The following ACTL8 variants were observed in gnomAD, a reference collection of about 807,000 sequenced individuals.
ACTL8 encodes actin-like protein 8.
Under a neutral mutation model 9.3 loss-of-function variants are expected in ACTL8, and 3 were observed. The observed-to-expected ratio is 0.32, with a 90% confidence interval of 0.15 to 0.83. ACTL8 has a LOEUF of 0.83. ACTL8 is among the 40% of genes least tolerant of loss of function. ACTL8 has a pLI of 0.57. For missense variants in ACTL8, 381 were observed against 492.2 expected, an observed-to-expected ratio of 0.77 and a Z score of 2.14; for synonymous variants, 224 against 205.9, an observed-to-expected ratio of 1.09 and a Z score of -0.75.
At chr1:17,811,314 A>T (rs550824899) in intron 1 of ACTL8, among the ~76,000 whole-genome samples, 2 of 152,308 alleles carry the variant, frequency 1.3e-5, no homozygotes, top group South Asian at 4.1e-4. Context: ...ATTGATTATT[A>T]GTTGGTCTTT....
Position 17,823,198 on chromosome 1 carries a change from A to T in ACTL8, c.190A>T (p.Ser64Cys). The T allele has an allele frequency of 6.2e-7, 1 of 1,614,154 alleles. No individual in the cohort carries two copies. Among genetic ancestry groups the T allele is most frequent in the Non-Finnish European group, 8.5e-7 (1 of 1,180,040 alleles). The change falls in exon 2 of 3, where the codon AGC (serine) becomes TGC (cysteine). Residue 64 changes from serine (S) to cysteine (C), a missense_variant. By Grantham distance (112) the Ser-to-Cys change is moderately radical (BLOSUM62 -1). Around this residue, in one of 3 missense-constraint regions of ACTL8, gnomAD observed 125 missense variants for 180.7 expected, o/e 0.69. Transcript: ENST00000375406. The surrounding 1 kb of genome is among the most constrained non-coding windows in gnomAD (Gnocchi z 5.3). ...GIDICHPDTF[S>C]YPIERGRILN... ...CGACATTTGCCATCCTGACACCTTT[A>T]GCTACCCCATCGAGCGGGGCCGCAT...
At position 17,823,414 on chromosome 1, in the gene ACTL8, C is replaced by T. The variant is rs2053681960; in HGVS notation, c.348+58C>T. 2 of 1,481,422 alleles carry T rather than the reference C, an allele frequency of 1.4e-6. No individual in the cohort carries two copies. Among genetic ancestry groups the T allele is most frequent in the Admixed American group, 2.0e-5 (1 of 49,522 alleles). 91.8% of individuals were successfully genotyped at this position (1,481,422 alleles called of 1,614,324 possible). ...AGCGGGAAACAGACTGACACTATGT[C>T]TGGACTGATTGGGCACCAGGAATTC... On this transcript the variant is annotated intron_variant, in intron 2 of 2. Coordinates refer to ENST00000375406, the MANE Select transcript of ACTL8 (RefSeq NM_030812.3). This position sits in a 1 kb window ranked among gnomAD's most constrained non-coding sequence, Gnocchi z 5.3.
At chr1:17,769,675 G>A (rs1005314788) in intron 1 of ACTL8, among the ~76,000 whole-genome samples, 8 of 152,134 alleles carry the variant, frequency 5.3e-5, no homozygotes, top group African/African-American at 9.7e-5. Flanking sequence ...TAAACCAGGC[G>A]CAGGGCAGAA....
intron 1 of ACTL8, among the ~76,000 whole-genome samples, chr1:17,803,918 G>T (rs2066340614): frequency 6.6e-6 from 1 of 152,162 alleles, no homozygotes; most frequent in South Asian, 2.1e-4. Context: ...CTCAGTTTTT[G>T]TACCTGTAAG....
At chr1:17,790,726 G>T (rs1346260496) in intron 1 of ACTL8, among the ~76,000 whole-genome samples, 1 of 152,226 alleles carries the variant, frequency 6.6e-6, no homozygotes, top group African/African-American at 2.4e-5. Flanking sequence ...CCAGGAAACT[G>T]TCTGCCTCCT....
At chr1:17,814,090 T>C (rs2124185730) in intron 1 of ACTL8, among the ~76,000 whole-genome samples, 1 of 152,346 alleles carries the variant, frequency 6.6e-6, no homozygotes, top group Non-Finnish European at 1.5e-5. Flanking sequence ...TCAATTTCGA[T>C]TACAGTCATT....
chr1:17,768,389 T>C (rs1310719513), intron 1 of ACTL8, among the ~76,000 whole-genome samples: 1 of 83,798 alleles, frequency 1.2e-5, no homozygotes, highest in Non-Finnish European at 3.2e-5. Context: ...CTGCCAAGAC[T>C]GCAGTTTGGG....
In ACTL8 at chr1:17,826,327, C is replaced by G. The variant is rs370158483; in HGVS notation, c.909C>G (p.Leu303=). 3.8e-5 allele frequency: 61 copies of G among 1,613,606 alleles called. 1 individual carries two copies. The Middle Eastern group carries it at 9.9e-4, about 26-fold the overall frequency. ...TGATGGCCTGCGGGGGCAACACCCT[C>G]TATCCCGGGTTCACAAAGCGCCTGT... is the stretch of plus-strand genomic sequence containing the variant. ...SHVMACGGNT[L]YPGFTKRLFR... Residue 303 remains leucine (L), a synonymous_variant, in exon 3 of 3, where the codon CTC becomes CTG. Transcript: ENST00000375406. The surrounding 1 kb of genome is among the most constrained non-coding windows in gnomAD (Gnocchi z 4.5).
At chr1:17,763,836 G>A (rs187816896) in intron 1 of ACTL8, among the ~76,000 whole-genome samples, 8 of 152,174 alleles carry the variant, frequency 5.3e-5, no homozygotes, top group Admixed American at 2.0e-4. Context: ...GGGGGCTTCC[G>A]CCCTCGGGAA....
At chr1:17,816,839 G>C (rs542615312) in intron 1 of ACTL8, among the ~76,000 whole-genome samples, 2 of 152,064 alleles carry the variant, frequency 1.3e-5, no homozygotes, top group Non-Finnish European at 2.9e-5. Flanking sequence ...AGTTGCATAG[G>C]TTCCTTTTCT....
chr1:17,778,885 A>G (rs2066134133), intron 1 of ACTL8, among the ~76,000 whole-genome samples: 1 of 152,108 alleles, frequency 6.6e-6, no homozygotes, highest in Admixed American at 6.5e-5. Context: ...TGAGTTGAAG[A>G]AGAGATGCTG....
chr1:17,766,908 G>A (rs2066048721), intron 1 of ACTL8, among the ~76,000 whole-genome samples: 1 of 152,184 alleles, frequency 6.6e-6, no homozygotes, highest in African/African-American at 2.4e-5. Flanking sequence ...ACTGACCATT[G>A]TTCTAGGTGC....
intron 1 of ACTL8, among the ~76,000 whole-genome samples, chr1:17,803,889 A>G (rs574475435): frequency 1.6e-4 from 24 of 152,224 alleles, no homozygotes; most frequent in East Asian, 9.7e-4. Context: ...ATGCTTCTGG[A>G]CAGTTTATTT....
chr1:17,775,220 C>A (rs1354345168), intron 1 of ACTL8, among the ~76,000 whole-genome samples: 2 of 152,160 alleles, frequency 1.3e-5, no homozygotes, highest in African/African-American at 2.4e-5. Flanking sequence ...AAATTAGAGA[C>A]CGAGGGCTGA....
rs539037884 is a variant in ACTL8, at chr1:17,767,554, C to T, written c.-25+12050C>T. 6.6e-6 allele frequency among the ~76,000 whole-genome samples: 1 copy of T among 152,304 alleles called. No individual in the cohort carries two copies. Among genetic ancestry groups the T allele is most frequent in the African/African-American group, 2.4e-5 (1 of 41,576 alleles). ...CCTTGTCTAAGCCCGTGGCTGGGTGCATGGCTCCCGGGCACTGCTCTTTTG... is the reference window on the plus strand; with the variant it reads ...CCTTGTCTAAGCCCGTGGCTGGGTGTATGGCTCCCGGGCACTGCTCTTTTG... On this transcript the variant is annotated intron_variant, in intron 1 of 2. Coordinates refer to ENST00000375406, the MANE Select transcript of ACTL8 (RefSeq NM_030812.3). This position sits in a 1 kb window ranked among gnomAD's most constrained non-coding sequence, Gnocchi z 4.7.
At position 17,826,085 on chromosome 1, in the gene ACTL8, G is replaced by A; in HGVS notation, c.667G>A (p.Asp223Asn). The change falls in exon 3 of 3, where the codon GAC becomes AAC. Residue 223 changes from aspartate to asparagine, a missense_variant. By Grantham distance (23) the Asp-to-Asn change is conservative. Transcript: ENST00000375406. This position sits in a 1 kb window ranked among gnomAD's most constrained non-coding sequence, Gnocchi z 4.5. The stretch of plus-strand genomic sequence containing the variant: ...GCCGCAGAATCTGGGGGAGGCCCTG[G>A]ACTTTCGTGAGAGGCAGCAGAGTGC... ...YVPQNLGEAL[D>N]FRERQQSALD... The A allele has an allele frequency of 6.2e-7, 1 of 1,608,420 alleles. No homozygotes were observed.
intron 1 of ACTL8, among the ~76,000 whole-genome samples, chr1:17,820,239 T>C (rs1431576225): frequency 6.6e-6 from 1 of 152,152 alleles, no homozygotes; most frequent in African/African-American, 2.4e-5. Context: ...CAGAATGTCA[T>C]GGGAATGGAG....
At chr1:17,757,482 C>G (rs1011332517) in intron 1 of ACTL8, among the ~76,000 whole-genome samples, 6 of 144,574 alleles carry the variant, frequency 4.2e-5, no homozygotes, top group African/African-American at 2.5e-5. Flanking sequence ...GCCCACCCCC[C>G]CCACCCCCAC....
chr1:17,799,597 C>T (rs1010388348), intron 1 of ACTL8, among the ~76,000 whole-genome samples: 1 of 151,674 alleles, frequency 6.6e-6, no homozygotes, highest in Non-Finnish European at 1.5e-5. Context: ...TTTGTTGCTT[C>T]CTCTCTTTTT....
Sources: gnomAD v4.1 joint callset for allele counts (sites outside exome capture counted in the v4.1 genomes callset) on GRCh38, gnomAD v4.1.1 for gene constraint, gnomAD v4.1.1 regional missense constraint, Gnocchi (gnomAD v3.1) non-coding constraint, MANE v1.5 for transcripts, NCBI Gene and HGNC (gene_info 2026-07-23, HGNC 2026-07-21) for gene names.